SOCS5: variants seen among roughly 807,000 people sequenced by gnomAD.
SOCS5 encodes the protein CIS-6.
In SOCS5, 32 loss-of-function variants were observed where a neutral mutation model predicts 42.8. That is an observed-to-expected ratio of 0.75 (90% CI 0.56 to 1.01). SOCS5 has a LOEUF of 1.01. Among genes scored for constraint, SOCS5 ranks in the 50% least tolerant of loss-of-function variants. SOCS5 has a pLI of 0.00. For synonymous variants in SOCS5, 283 were observed against 229.6 expected (o/e 1.23, Z -2.10); for missense variants, 627 against 653.0 (o/e 0.96, Z 0.43).
chr2:46,726,964 C>T (rs1673007919), intron 1 of SOCS5, among the ~76,000 whole-genome samples: 1 of 151,680 alleles, frequency 6.6e-6, no homozygotes, highest in Non-Finnish European at 1.5e-5. Flanking sequence ...CCATGTTGGT[C>T]AGGCTGGTCT....
At chr2:46,722,305 A>G (rs1324223509) in intron 1 of SOCS5, among the ~76,000 whole-genome samples, 1 of 139,414 alleles carries the variant, frequency 7.2e-6, no homozygotes, top group Non-Finnish European at 1.5e-5. Flanking sequence ...GATTTAAGAC[A>G]TTTTGTATAC....
intron 1 of SOCS5, among the ~76,000 whole-genome samples, chr2:46,729,095 G>A (rs891097410): frequency 2.6e-5 from 4 of 152,156 alleles, no homozygotes. Context: ...ATTTATCTGT[G>A]CTGTATAACT....
intron 1 of SOCS5, among the ~76,000 whole-genome samples, chr2:46,718,488 C>T (rs750802145): frequency 2.6e-5 from 4 of 152,090 alleles, no homozygotes; most frequent in Non-Finnish European, 5.9e-5. Flanking sequence ...TCAATATCCC[C>T]AAACCCAAAG....
At chr2:46,751,789 T>A (rs755898167) in intron 1 of SOCS5, among the ~76,000 whole-genome samples, 1 of 151,954 alleles carries the variant, frequency 6.6e-6, no homozygotes, top group Non-Finnish European at 1.5e-5. Context: ...ATGTAGTACA[T>A]CAGGGGTTGG....
intron 1 of SOCS5, among the ~76,000 whole-genome samples, chr2:46,745,327 C>T (rs924409093): frequency 1.3e-5 from 2 of 152,016 alleles, no homozygotes; most frequent in Non-Finnish European, 2.9e-5. Context: ...TAGGGGGAGA[C>T]AGGAAAGGGA....
chr2:46,740,577 G>T (rs1202348425), intron 1 of SOCS5, among the ~76,000 whole-genome samples: 1 of 152,136 alleles, frequency 6.6e-6, no homozygotes, highest in African/African-American at 2.4e-5. Context: ...TTAGCAAAAG[G>T]TATGAGAAAG....
intron 1 of SOCS5, among the ~76,000 whole-genome samples, chr2:46,757,873 A>T (rs1419673604): frequency 6.6e-6 from 1 of 152,244 alleles, no homozygotes; most frequent in Non-Finnish European, 1.5e-5. Context: ...CTCAAAAAAA[A>T]AGAAAAAGGA....
At chr2:46,712,834 C>T (rs954407127) in intron 1 of SOCS5, among the ~76,000 whole-genome samples, 4 of 151,902 alleles carry the variant, frequency 2.6e-5, no homozygotes, top group Non-Finnish European at 5.9e-5. Flanking sequence ...TTTGTTTCCT[C>T]TAGATTCAAT....
chr2:46,747,876 A>G (rs988888183), intron 1 of SOCS5, among the ~76,000 whole-genome samples: 13 of 152,230 alleles, frequency 8.5e-5, no homozygotes, highest in Admixed American at 7.9e-4. Flanking sequence ...ATGAATATTT[A>G]AAAAATCTTT....
intron 1 of SOCS5, among the ~76,000 whole-genome samples, chr2:46,744,829 T>C (rs1190679059): frequency 1.3e-5 from 2 of 151,376 alleles, no homozygotes; most frequent in African/African-American, 4.9e-5. Context: ...CGCCCGGCTG[T>C]AATCGAGATT....
At chr2:46,738,610 G>T (rs1373591594) in intron 1 of SOCS5, among the ~76,000 whole-genome samples, 1 of 152,162 alleles carries the variant, frequency 6.6e-6, no homozygotes, top group Non-Finnish European at 1.5e-5. Flanking sequence ...TGAATGTGTG[G>T]ACCCAAGTGT....
chr2:46,703,882 G>C (rs1462732237), intron 1 of SOCS5, among the ~76,000 whole-genome samples: 3 of 152,186 alleles, frequency 2.0e-5, no homozygotes. Flanking sequence ...GGTTAGAGCA[G>C]AAGTAATCTT....
intron 1 of SOCS5, among the ~76,000 whole-genome samples, chr2:46,719,333 G>A (rs190431486): frequency 5.3e-5 from 8 of 152,282 alleles, no homozygotes; most frequent in Admixed American, 4.6e-4. Context: ...TACACTGTAC[G>A]TGTAATATGT....
chr2:46,705,798 C>T (rs538901511), intron 1 of SOCS5, among the ~76,000 whole-genome samples: 1 of 152,278 alleles, frequency 6.6e-6, no homozygotes, highest in Non-Finnish European at 1.5e-5. Flanking sequence ...GACGGACTGG[C>T]AGTGACAGTT....
chr2:46,705,613 T>C (rs1181638365), intron 1 of SOCS5, among the ~76,000 whole-genome samples: 1 of 152,214 alleles, frequency 6.6e-6, no homozygotes, highest in Non-Finnish European at 1.5e-5. Context: ...AAGGAGAAGC[T>C]CAAGCACTTT....
At position 46,759,509 on chromosome 2, in the gene SOCS5, G is replaced by T. The variant is rs374501074; in HGVS notation, c.979G>T (p.Asp327Tyr). 4 of 1,613,852 alleles carry T rather than the reference G, an allele frequency of 2.5e-6. No homozygotes were observed. The highest frequency in any genetic ancestry group is 3.4e-6 in the Non-Finnish European group (4 of 1,179,872). ...IPQANCDSEE[D>Y]TTTLCLQSRR... ...ACAAGCTAATTGTGACTCGGAAGAG[G>T]ATACAACCACCCTGTGTTTGCAGTC... Residue 327 changes from aspartate (D) to tyrosine (Y), a missense_variant, in exon 2 of 2, where the codon GAT (aspartate) becomes TAT (tyrosine). By Grantham distance (160) the Asp-to-Tyr change is radical. This residue lies in a region of SOCS5 where 340 missense variants were observed against 367.6 expected (regional missense o/e 0.92). Transcript: ENST00000394861.
chr2:46,742,100 A>G (rs1212343031), intron 1 of SOCS5, among the ~76,000 whole-genome samples: 2 of 152,250 alleles, frequency 1.3e-5, no homozygotes, highest in Non-Finnish European at 2.9e-5. Context: ...TTGATAAGTG[A>G]TAAATTTGTA....
At chr2:46,710,806 C>A (rs1672604356) in intron 1 of SOCS5, among the ~76,000 whole-genome samples, 1 of 152,162 alleles carries the variant, frequency 6.6e-6, no homozygotes, top group South Asian at 2.1e-4. Context: ...TTCTGTCATC[C>A]AGAAAGAGCC....
rs1673850389 is a variant in SOCS5 at position 46,760,804 on chromosome 2, A to G, written c.*663A>G. On this transcript the variant is annotated 3_prime_UTR_variant, in exon 2 of 2. Transcript: ENST00000394861. ...AAGCTAGTAGTAGAATTTTATTGAA[A>G]GGCCTAGGTATTAATTTTTTAAATG... The G allele has an allele frequency of 6.0e-6, 1 of 167,122 alleles. No individual in the cohort carries two copies. The highest frequency in any genetic ancestry group is 6.5e-5 in the Admixed American group (1 of 15,286). The allele number at this position is 167,122 out of a possible 1,614,324, so 10.4% of individuals were successfully genotyped here.
Sources: allele counts gnomAD v4.1 joint callset (sites outside exome capture counted in the v4.1 genomes callset), GRCh38; gene constraint gnomAD v4.1.1; regional missense constraint gnomAD v4.1.1; transcripts MANE v1.5; gene names NCBI Gene and HGNC (gene_info 2026-07-23, HGNC 2026-07-21).